Variants in CPXM2 observed in about 807,000 individuals in gnomAD.
CPXM2 encodes the protein inactive carboxypeptidase-like protein X2.
A neutral mutation model predicts 86.1 loss-of-function variants in CPXM2; 66 were observed. The ratio of observed to expected loss-of-function variants is 0.77; its 90% CI spans 0.63 to 0.94. The LOEUF (loss-of-function observed/expected upper bound fraction) is 0.94. CPXM2 is among the 40% of genes least tolerant of loss of function. The pLI, the probability that CPXM2 is intolerant of heterozygous loss-of-function variation, is 0.00. For synonymous variants in CPXM2, 388 were observed against 400.2 expected, an observed-to-expected ratio of 0.97 and a Z score of 0.36; for missense variants, 948 against 1,026.3, an observed-to-expected ratio of 0.92 and a Z score of 1.04.
At chr10:123,913,544 G>A (rs1198017163) in intron 2 of CPXM2, 4 of 166,344 alleles carry the variant, frequency 2.4e-5, no homozygotes, top group Non-Finnish European at 4.0e-5. Context: ...CCCACAAAGG[G>A]AATTAAAGAT....
intron 10 of CPXM2, among the ~76,000 whole-genome samples, chr10:123,765,609 G>C (rs57537173): frequency 2.1e-3 from 317 of 152,338 alleles, no homozygotes; most frequent in African/African-American, 7.5e-3. Context: ...AACAGGTTCT[G>C]TGGGAAACAT....
chr10:123,808,633 T>C (rs181557145), intron 4 of CPXM2, among the ~76,000 whole-genome samples: 4 of 152,216 alleles, frequency 2.6e-5, no homozygotes, highest in Admixed American at 6.5e-5. Flanking sequence ...AAGAAAAGAA[T>C]CTTCAACATA....
chr10:123,942,948 A>G (rs1590134101), upstream of CPXM2, among the ~76,000 whole-genome samples: 3 of 152,318 alleles, frequency 2.0e-5, 1 homozygote, highest in South Asian at 6.2e-4. Context: ...AGTTACACAA[A>G]TACTTACTAT....
In CPXM2 at chr10:123,891,416, C is replaced by T; in HGVS notation, c.244G>A (p.Ala82Thr). The T allele has an allele frequency of 1.3e-6, 2 of 1,562,320 alleles. No individual in the cohort carries two copies. The highest frequency in any genetic ancestry group is 8.7e-7 in the Non-Finnish European group (1 of 1,153,146). Residue 82 changes from alanine (A) to threonine (T), a missense_variant, in exon 1 of 14, where the codon GCC becomes ACC. Transcript: ENST00000241305. This position sits in a 1 kb window ranked among gnomAD's most constrained non-coding sequence, Gnocchi z 5.6. ...RPQEPRPPKR[A>T]TKPKKAPKRE... ...TTGGGAGCTTTCTTGGGCTTGGTGG[C>T]CCTCTTGGGCGGCCTGGGCTCCTGC... is the stretch of plus-strand genomic sequence containing the variant.
At chr10:123,897,086 C>G (rs1346046965) in intron 2 of CPXM2, among the ~76,000 whole-genome samples, 2 of 150,002 alleles carry the variant, frequency 1.3e-5, no homozygotes, top group African/African-American at 2.5e-5. Context: ...CACTTTGGCC[C>G]AGGGGTCCTA....
intron 6 of CPXM2, among the ~76,000 whole-genome samples, chr10:123,787,328 A>G (rs984044278): frequency 6.6e-6 from 1 of 151,860 alleles, no homozygotes; most frequent in Non-Finnish European, 1.5e-5. Flanking sequence ...ACCAGCACCC[A>G]CACCAGCCAC....
intron 2 of CPXM2, among the ~76,000 whole-genome samples, chr10:123,909,549 G>A (rs1303937659): frequency 6.6e-6 from 1 of 152,160 alleles, no homozygotes; most frequent in Non-Finnish European, 1.5e-5. Flanking sequence ...TGTTCACCCA[G>A]GCTGCTCATG....
chr10:123,881,583 T>C (rs1389076379), intron 1 of CPXM2, among the ~76,000 whole-genome samples: 1 of 152,196 alleles, frequency 6.6e-6, no homozygotes, highest in Non-Finnish European at 1.5e-5. Flanking sequence ...TTGTCCTGAC[T>C]TGGGACAAGG....
chr10:123,883,137 G>A (rs1302637654), intron 1 of CPXM2, among the ~76,000 whole-genome samples: 2 of 152,222 alleles, frequency 1.3e-5, no homozygotes, highest in African/African-American at 4.8e-5. Context: ...TCAGCTCTGG[G>A]ACTCCAGTGA....
intron 6 of CPXM2, among the ~76,000 whole-genome samples, chr10:123,789,094 C>T (rs1055643583): frequency 6.6e-6 from 1 of 152,124 alleles, no homozygotes; most frequent in Non-Finnish European, 1.5e-5. Context: ...GCACGAAACC[C>T]CTCCCACAAA....
intron 6 of CPXM2, among the ~76,000 whole-genome samples, chr10:123,787,957 G>A (rs1045258517): frequency 2.0e-5 from 3 of 151,960 alleles, no homozygotes; most frequent in Non-Finnish European, 4.4e-5. Flanking sequence ...TATCCCCCCA[G>A]TTCCCCACTT....
At chr10:123,752,186 G>A (rs1047589694) in intron 13 of CPXM2, 19 of 985,180 alleles carry the variant, frequency 1.9e-5, no homozygotes, top group African/African-American at 3.5e-5. Flanking sequence ...AACACTCTGC[G>A]TGGTCTCTGG....
chr10:123,848,002 C>T (rs1207043488), intron 3 of CPXM2, among the ~76,000 whole-genome samples: 1 of 152,212 alleles, frequency 6.6e-6, no homozygotes, highest in Non-Finnish European at 1.5e-5. Context: ...AATTGACTTA[C>T]AGCTGCCTCT....
At chr10:123,903,944 C>A (rs1945408582) in intron 2 of CPXM2, among the ~76,000 whole-genome samples, 1 of 152,196 alleles carries the variant, frequency 6.6e-6, no homozygotes, top group Non-Finnish European at 1.5e-5. Flanking sequence ...TGAGCCCCTC[C>A]TGCCAGCCCC....
chr10:123,806,013 T>G (rs1847571132), intron 4 of CPXM2, among the ~76,000 whole-genome samples: 1 of 152,244 alleles, frequency 6.6e-6, no homozygotes, highest in Admixed American at 6.5e-5. Flanking sequence ...TATAAAATAT[T>G]CCTACTACTG....
intron 1 of CPXM2, 134 bp from the exon 2 acceptor site, chr10:123,880,443 G>C: frequency 1.7e-6 from 1 of 604,476 alleles, no homozygotes; most frequent in Non-Finnish European, 3.0e-6. Flanking sequence ...ATGGGGTCTT[G>C]GACTTTAAGG....
chr10:123,901,087 C>A (rs573479328), intron 2 of CPXM2, among the ~76,000 whole-genome samples: 1 of 152,238 alleles, frequency 6.6e-6, no homozygotes, highest in South Asian at 2.1e-4. Context: ...TGTCCTTTTG[C>A]CCTCCAGGGA....
intron 3 of CPXM2, among the ~76,000 whole-genome samples, chr10:123,842,833 C>T (rs17106114): frequency 0.19 from 28,977 of 152,176 alleles, 3,469 homozygotes; most frequent in East Asian, 0.4. Flanking sequence ...AAAGGTGAAT[C>T]GTTCCCTCCC....
chr10:123,807,595 TG>T (rs1467806353), intron 4 of CPXM2, among the ~76,000 whole-genome samples: 2 of 151,878 alleles, frequency 1.3e-5, no homozygotes, highest in Non-Finnish European at 2.9e-5. Context: ...TTCAAGAGAG[TG>T]TGATCAAGTG....
Sources: allele counts gnomAD v4.1 joint callset (sites outside exome capture counted in the v4.1 genomes callset), GRCh38; gene constraint gnomAD v4.1.1; non-coding constraint Gnocchi (gnomAD v3.1); transcripts MANE v1.5; gene names NCBI Gene and HGNC (gene_info 2026-07-23, HGNC 2026-07-21).